PKHD1: variants seen among roughly 807,000 people sequenced by gnomAD.
PKHD1 encodes the protein PKHD1 ciliary IPT domain containing fibrocystin/polyductin, also known as fibrocystin.
Under a neutral mutation model 412.0 loss-of-function variants are expected in PKHD1, and 291 were observed. That is an observed-to-expected ratio of 0.71 (90% CI 0.64 to 0.78). PKHD1 has a LOEUF of 0.78. Ranked by LOEUF, PKHD1 falls within the 30% of genes least tolerant of loss-of-function variation. The pLI is 0.00. For missense variants in PKHD1, 4,825 were observed against 4,950.7 expected, an observed-to-expected ratio of 0.97 and a Z score of 0.76; for synonymous variants, 1,777 against 1,821.5, an observed-to-expected ratio of 0.98 and a Z score of 0.62.
chr6:51,797,451 T>C (rs1246738894), intron 52 of PKHD1, among the ~76,000 whole-genome samples: 2 of 152,192 alleles, frequency 1.3e-5, no homozygotes, highest in Non-Finnish European at 2.9e-5. Context: ...TTAGAAGGTC[T>C]CTAAGAACTT....
intron 35 of PKHD1, among the ~76,000 whole-genome samples, chr6:52,005,752 C>A (rs905580271): frequency 6.6e-6 from 1 of 151,984 alleles, no homozygotes; most frequent in Non-Finnish European, 1.5e-5. Context: ...AGGTAACAGT[C>A]CACACCACAG....
At chr6:52,019,088 C>G (rs1352794261) in intron 33 of PKHD1, among the ~76,000 whole-genome samples, 2 of 152,142 alleles carry the variant, frequency 1.3e-5, no homozygotes, top group Non-Finnish European at 2.9e-5. Context: ...TGATCTTTAA[C>G]TAGAAGATGA....
At chr6:51,741,243 TAG>T (rs1353354318) in intron 60 of PKHD1, 1 of 516,708 alleles carries the variant, frequency 1.9e-6, no homozygotes, top group Non-Finnish European at 3.9e-6. Context: ...ACTGACATTT[TAG>T]AGTTTCTATT....
chr6:51,624,883 G>A (rs79903419), intron 66 of PKHD1, among the ~76,000 whole-genome samples: 1,671 of 152,246 alleles, frequency 0.011, 25 homozygotes, highest in African/African-American at 0.038. Flanking sequence ...GGACTTCTGG[G>A]TTCTATGCTC....
chr6:51,909,268 T>A lies in PKHD1; in HGVS notation c.6682+15A>T. On this transcript the variant is annotated intron_variant, in intron 40 of 66. Transcript: ENST00000371117. ...GAAAGAAACATGAGAAAGTCCTAGGTCCGGACCCCCTTACCTCTCATAGCT... is the reference window on the plus strand; with the variant it reads ...GAAAGAAACATGAGAAAGTCCTAGGACCGGACCCCCTTACCTCTCATAGCT... 1 of 1,604,842 alleles carries A rather than the reference T, an allele frequency of 6.2e-7. No homozygotes were observed. The highest frequency in any genetic ancestry group is 8.5e-7 in the Non-Finnish European group (1 of 1,171,872).
intron 60 of PKHD1, among the ~76,000 whole-genome samples, chr6:51,743,547 A>C (rs1784823386): frequency 6.6e-6 from 1 of 152,130 alleles, no homozygotes. Context: ...TGAGGATATA[A>C]ATTGGAAGTC....
chr6:51,633,404 AAC>A (rs1246314203), intron 64 of PKHD1, among the ~76,000 whole-genome samples: 1 of 152,224 alleles, frequency 6.6e-6, no homozygotes, highest in Non-Finnish European at 1.5e-5. Flanking sequence ...TCTGCATAAA[AAC>A]ACATACATAA....
Position 51,848,068 on chromosome 6 carries a change from A to G in PKHD1, c.7912-98T>C, listed in dbSNP as rs1426468591. On this transcript the variant is annotated intron_variant, in intron 49 of 66. Coordinates refer to ENST00000371117, the MANE Select transcript of PKHD1 (RefSeq NM_138694.4). ...CACCCTGCCAAAACAACTACAGAGA[A>G]CGCAGATGGAGTAGTTTAGAAATCA... 3 of 796,422 alleles carry G rather than the reference A, an allele frequency of 3.8e-6. No homozygotes were observed. In the African/African-American group the frequency reaches 5.1e-5, roughly 13 times the overall value. 49.3% of individuals were successfully genotyped at this position (796,422 alleles called of 1,614,324 possible).
intron 29 of PKHD1, among the ~76,000 whole-genome samples, chr6:52,030,355 T>C (rs1301211517): frequency 6.6e-6 from 1 of 152,174 alleles, no homozygotes; most frequent in Non-Finnish European, 1.5e-5. Flanking sequence ...TTGTTAGATA[T>C]CCTGGGAAAG....
chr6:51,885,959 C>G lies in PKHD1; in HGVS notation c.7123G>C (p.Val2375Leu), dbSNP rs202015227. The G allele has an allele frequency of 1.4e-5, 22 of 1,590,496 alleles. No individual in the cohort carries two copies. The highest frequency in any genetic ancestry group is 1.8e-5 in the Non-Finnish European group (21 of 1,158,612). Residue 2375 changes from valine to leucine, a missense_variant, in exon 45 of 67, where the codon GTA becomes CTA. Coordinates refer to ENST00000371117, the MANE Select transcript of PKHD1 (RefSeq NM_138694.4). ...CAAGGTGGCTGAAATTTAGGGTATA[C>G]AAAGAGACCATACCTAAAAAGTGAA... is the stretch of plus-strand genomic sequence containing the variant. ...AHSCTRYGLF[V>L]YPKFQPPWDN... is the part of the protein sequence containing the mutation.
intron 35 of PKHD1, among the ~76,000 whole-genome samples, chr6:52,005,595 C>T (rs1040810697): frequency 2.6e-5 from 4 of 152,140 alleles, no homozygotes; most frequent in Admixed American, 6.6e-5. Flanking sequence ...GCTGCCCCAC[C>T]TGAAGATGAC....
At chr6:52,074,010 T>C (rs1189061375) in intron 6 of PKHD1, among the ~76,000 whole-genome samples, 1 of 152,238 alleles carries the variant, frequency 6.6e-6, no homozygotes, top group African/African-American at 2.4e-5. Flanking sequence ...AAGAGGCTCA[T>C]ATCACACAAT....
At position 52,042,254 on chromosome 6, in the gene PKHD1, C is replaced by T. The variant is rs528196766; in HGVS notation, c.3097+605G>A. ...ACAATGAGTTTGTGGCCAAACCACA[C>T]TGCTTTTAAATATGTTCTAAGCTGC... On this transcript the variant is annotated intron_variant, in intron 27 of 66. Coordinates refer to ENST00000371117, the MANE Select transcript of PKHD1 (RefSeq NM_138694.4). Among the ~76,000 whole-genome samples, 12 of 152,316 alleles carry T rather than the reference C, an allele frequency of 7.9e-5. 1 individual carries two copies. In the East Asian group the frequency reaches 2.3e-3, roughly 29 times the overall value.
chr6:51,719,617 A>G (rs1397090166), intron 60 of PKHD1, among the ~76,000 whole-genome samples: 1 of 152,108 alleles, frequency 6.6e-6, no homozygotes, highest in Non-Finnish European at 1.5e-5. Flanking sequence ...GTTTTATGAG[A>G]CCCCAAATGT....
rs560927331 is a variant in PKHD1, at chr6:52,020,360, G to A, written c.5380+2441C>T. 8.5e-5 allele frequency among the ~76,000 whole-genome samples: 13 copies of A among 152,272 alleles called. No homozygotes were observed. The East Asian group carries it at 2.5e-3, about 29-fold the overall frequency. On this transcript the variant is annotated intron_variant, in intron 33 of 66. Transcript: ENST00000371117. ...TGTACAAACAAACATGGGATCAGAC[G>A]ATACACAGGCATCTTACGATGCTAC... is the stretch of plus-strand genomic sequence containing the variant.
chr6:52,021,073 T>C (rs1726594755), intron 33 of PKHD1, among the ~76,000 whole-genome samples: 1 of 152,242 alleles, frequency 6.6e-6, no homozygotes, highest in Non-Finnish European at 1.5e-5. Context: ...TGAAAGTCTT[T>C]TAAAAGACTT....
At chr6:51,634,440 C>T (rs2580024) in intron 64 of PKHD1, among the ~76,000 whole-genome samples, 6,512 of 152,260 alleles carry the variant, frequency 0.043, 235 homozygotes, top group African/African-American at 0.093. Context: ...GGGGAATAGA[C>T]TTTACTTGGG....
chr6:52,004,673 G>T (rs569779712), intron 35 of PKHD1, among the ~76,000 whole-genome samples: 1 of 152,218 alleles, frequency 6.6e-6, no homozygotes, highest in African/African-American at 2.4e-5. Context: ...CTGTTTTCAG[G>T]ATCCATTCAG....
chr6:51,775,499 A>G (rs1016797017), intron 54 of PKHD1, among the ~76,000 whole-genome samples: 8 of 151,952 alleles, frequency 5.3e-5, no homozygotes, highest in Non-Finnish European at 1.2e-4. Flanking sequence ...AGTAGTATTT[A>G]TAGTTGATAA....
Sources: allele counts gnomAD v4.1 joint callset (sites outside exome capture counted in the v4.1 genomes callset), GRCh38; gene constraint gnomAD v4.1.1; transcripts MANE v1.5; gene names NCBI Gene and HGNC (gene_info 2026-07-23, HGNC 2026-07-21).